Variants in MALRD1 observed in about 807,000 individuals in gnomAD.
MALRD1 encodes the protein MAM and LDL receptor class A domain containing 1.
A neutral mutation model predicts 242.1 loss-of-function variants in MALRD1; 247 were observed. The ratio of observed to expected loss-of-function variants is 1.02; its 90% CI spans 0.92 to 1.13. The LOEUF is 1.13. MALRD1 is among the 50% of genes most tolerant of loss of function. MALRD1 has a pLI of 0.00. For synonymous variants in MALRD1, 995 were observed against 866.6 expected (o/e 1.15, Z -2.60); for missense variants, 2,989 against 2,533.1 (o/e 1.18, Z -3.86).
chr10:19,238,481 CATTATATATAATATATAATATAATAT>C (rs1838553707), intron 18 of MALRD1, among the ~76,000 whole-genome samples: 1 of 16,174 alleles, frequency 6.2e-5, no homozygotes, highest in Non-Finnish European at 1.1e-4. Flanking sequence ...ATATAATATA[CATTATATATAATATATAATATAATAT>C]ATAATGTATA....
chr10:19,558,193 A>G (rs566262907), intron 32 of MALRD1, among the ~76,000 whole-genome samples: 26 of 152,188 alleles, frequency 1.7e-4, no homozygotes, highest in African/African-American at 6.0e-4. Flanking sequence ...GTCATCTATG[A>G]ACAGTTTTAT....
chr10:19,111,060 C>A (rs1440514761), intron 5 of MALRD1, among the ~76,000 whole-genome samples: 5 of 152,136 alleles, frequency 3.3e-5, no homozygotes, highest in African/African-American at 9.7e-5. Context: ...ATATAAATTT[C>A]TCTCTATCTT....
At chr10:19,061,064 G>A (rs931259984) in intron 1 of MALRD1, among the ~76,000 whole-genome samples, 2 of 152,084 alleles carry the variant, frequency 1.3e-5, no homozygotes, top group African/African-American at 2.4e-5. Flanking sequence ...TGTGACCTGA[G>A]CAATGAGATC....
rs143188500 is a variant in MALRD1, at chr10:19,147,471, A to T, written c.1558+1127A>T. Reference sequence around the variant, plus strand: ...TTTCTTTAACATTTTGTGGCAGACAAAGTTAAGTTTAAAGTTTAAAATAGA... The same window carrying T: ...TTTCTTTAACATTTTGTGGCAGACATAGTTAAGTTTAAAGTTTAAAATAGA... On this transcript the variant is annotated intron_variant, in intron 11 of 39. Coordinates refer to ENST00000454679, the MANE Select transcript of MALRD1 (RefSeq NM_001142308.3). Among the ~76,000 whole-genome samples, 230 of 152,322 alleles carry T rather than the reference A, an allele frequency of 1.5e-3. 2 individuals are homozygous for T. Among genetic ancestry groups the T allele is most frequent in the African/African-American group, 5.4e-3 (224 of 41,576 alleles).
intron 32 of MALRD1, among the ~76,000 whole-genome samples, chr10:19,566,377 G>A (rs1836257261): frequency 7.1e-6 from 1 of 141,778 alleles, no homozygotes; most frequent in Non-Finnish European, 1.5e-5. Flanking sequence ...CTGACCTCGT[G>A]ATCTGCCCGC....
At chr10:19,312,471 C>G (rs1336521964) in intron 21 of MALRD1, among the ~76,000 whole-genome samples, 8 of 149,568 alleles carry the variant, frequency 5.3e-5, no homozygotes, top group Non-Finnish European at 1.0e-4. Flanking sequence ...TATAATGGCA[C>G]AGAGGTATAA....
chr10:19,469,158 C>T (rs187214389), intron 29 of MALRD1, among the ~76,000 whole-genome samples: 212 of 151,970 alleles, frequency 1.4e-3, no homozygotes, highest in African/African-American at 4.5e-3. Context: ...TAATGTGAAC[C>T]CTTATTATAC....
At chr10:19,439,886 C>T (rs568262279) in intron 28 of MALRD1, among the ~76,000 whole-genome samples, 19 of 152,282 alleles carry the variant, frequency 1.2e-4, no homozygotes, top group South Asian at 1.0e-3. Flanking sequence ...TTTTATAATA[C>T]GTGTGCTATT....
chr10:19,358,195 A>AGTGTGTGTGTGTGTGTGTGTGTGT lies in MALRD1; in HGVS notation c.4441+5911_4441+5934dup, dbSNP rs776862926. ...ATATATGCAATCAGGGCAGGAGTCA[A>AGTGTGTGTGTGTGTGTGTGTGTGT]GTGTGTGTGTGTGTGTGTGTGTGTG... On this transcript the variant is annotated intron_variant, in intron 26 of 39. Coordinates refer to ENST00000454679, the MANE Select transcript of MALRD1 (RefSeq NM_001142308.3). Among the ~76,000 whole-genome samples, 60 of 145,680 alleles carry AGTGTGTGTGTGTGTGTGTGTGTGT rather than the reference A, an allele frequency of 4.1e-4. 2 individuals carry two copies. The highest frequency in any genetic ancestry group is 1.0e-3 in the Admixed American group (15 of 14,570).
Position 19,352,251 on chromosome 10 carries a change from A to C in MALRD1, c.4395A>C (p.Ser1465=). 1 of 1,550,282 alleles carries C rather than the reference A, an allele frequency of 6.5e-7. No homozygotes were observed. The highest frequency in any genetic ancestry group is 8.7e-7 in the Non-Finnish European group (1 of 1,146,858). The stretch of plus-strand genomic sequence containing the variant: ...TTGTGCTTACAGAAAATTGTCTATC[A>C]CTCCATGATTCCGTGCAAGAAGAAC... ...DDIVLTENCL[S]LHDSVQEELA... The change falls in exon 26 of 40, where the codon TCA becomes TCC. Residue 1465 remains serine (S), a synonymous_variant. Coordinates refer to ENST00000454679, the MANE Select transcript of MALRD1 (RefSeq NM_001142308.3).
intron 36 of MALRD1, among the ~76,000 whole-genome samples, chr10:19,689,726 C>T (rs1293106171): frequency 6.6e-6 from 1 of 151,982 alleles, no homozygotes; most frequent in African/African-American, 2.4e-5. Flanking sequence ...TATCCATGTT[C>T]CTGGTATGTC....
chr10:19,314,960 A>G (rs2132002226), intron 21 of MALRD1, among the ~76,000 whole-genome samples: 1 of 149,446 alleles, frequency 6.7e-6, no homozygotes, highest in African/African-American at 2.4e-5. Flanking sequence ...CTTGCTATGG[A>G]AAAAATAATT....
Position 19,695,060 on chromosome 10 carries a change from C to T in MALRD1, c.6314+2506C>T, listed in dbSNP as rs183596106. ...ACAGAGGAAGGGTGACATCACACACCGGGGCCTGTCATGGGGTGGGGCTAG... is the reference window on the plus strand; with the variant it reads ...ACAGAGGAAGGGTGACATCACACACTGGGGCCTGTCATGGGGTGGGGCTAG... On this transcript the variant is annotated intron_variant, in intron 38 of 39. Transcript: ENST00000454679. Among the ~76,000 whole-genome samples the T allele has an allele frequency of 1.8e-4, 27 of 152,038 alleles. No homozygotes were observed. The East Asian group carries it at 2.1e-3, about 12-fold the overall frequency.
Position 19,280,027 on chromosome 10 carries a change from G to A in MALRD1, c.3080-20G>A. ...CCAGAAAACCTGCTAAATGATGCCT[G>A]TATATTATTTCTTATCAAGGTAATT... On this transcript the variant is annotated intron_variant, in intron 19 of 39. Transcript: ENST00000454679. The A allele has an allele frequency of 6.8e-7, 1 of 1,467,596 alleles. No homozygotes were observed. The allele number at this position is 1,467,596 out of a possible 1,614,324, so 90.9% of individuals were successfully genotyped here.
At chr10:19,429,066 T>C (rs1834016724) in intron 28 of MALRD1, among the ~76,000 whole-genome samples, 1 of 152,210 alleles carries the variant, frequency 6.6e-6, no homozygotes, top group Non-Finnish European at 1.5e-5. Flanking sequence ...TAGTATATGG[T>C]ATGTGTACTA....
At chr10:19,540,772 A>G (rs1208402145) in intron 32 of MALRD1, among the ~76,000 whole-genome samples, 1 of 152,192 alleles carries the variant, frequency 6.6e-6, no homozygotes, top group Non-Finnish European at 1.5e-5. Flanking sequence ...AAAAATATGC[A>G]AAGTTGAATA....
At chr10:19,642,421 C>G (rs1271364381) in intron 36 of MALRD1, among the ~76,000 whole-genome samples, 1 of 152,144 alleles carries the variant, frequency 6.6e-6, no homozygotes, top group African/African-American at 2.4e-5. Context: ...AATTTCTTTA[C>G]TTGAAACTCA....
At chr10:19,243,856 A>T (rs1564497758) in intron 18 of MALRD1, among the ~76,000 whole-genome samples, 1 of 152,200 alleles carries the variant, frequency 6.6e-6, no homozygotes, top group Non-Finnish European at 1.5e-5. Context: ...AAAACAAAGT[A>T]TGTGTTTCCA....
intron 28 of MALRD1, among the ~76,000 whole-genome samples, chr10:19,420,777 A>G (rs1589049418): frequency 6.6e-6 from 1 of 152,220 alleles, no homozygotes; most frequent in East Asian, 1.9e-4. Flanking sequence ...ATAGATACAC[A>G]ATAAATGCAG....
Sources: gnomAD v4.1 joint callset for allele counts (sites outside exome capture counted in the v4.1 genomes callset) on GRCh38, gnomAD v4.1.1 for gene constraint, MANE v1.5 for transcripts, NCBI Gene and HGNC (gene_info 2026-07-23, HGNC 2026-07-21) for gene names.